RAB3GAP1: variants seen among roughly 807,000 people sequenced by gnomAD.
RAB3GAP1 encodes the protein RAB3 GTPase activating protein catalytic subunit 1.
Under a neutral mutation model 130.7 loss-of-function variants are expected in RAB3GAP1, and 86 were observed. That is an observed-to-expected ratio of 0.66 (90% CI 0.55 to 0.79). The LOEUF is 0.79. Among genes scored for constraint, RAB3GAP1 ranks in the 30% least tolerant of loss-of-function variants. The pLI is 0.00. For synonymous variants in RAB3GAP1, 367 were observed against 401.7 expected, an observed-to-expected ratio of 0.91 and a Z score of 1.03; for missense variants, 1,029 against 1,169.4, an observed-to-expected ratio of 0.88 and a Z score of 1.75.
rs1690928885 is a variant in RAB3GAP1, at chr2:135,115,137, A to T, written c.483-79A>T. On this transcript the variant is annotated intron_variant, in intron 6 of 23. Coordinates refer to ENST00000264158, the MANE Select transcript of RAB3GAP1 (RefSeq NM_012233.3). The stretch of plus-strand genomic sequence containing the variant: ...GTGCTTTCAAATTCTTGAGATTAAA[A>T]TAATTTGGAAAAAATTTGAGGTTCA... The T allele has an allele frequency of 2.1e-6, 3 of 1,398,774 alleles. No homozygotes were observed. The East Asian group carries it at 6.9e-5, about 32-fold the overall frequency. 86.6% of individuals were successfully genotyped at this position (1,398,774 alleles called of 1,614,324 possible).
chr2:135,096,062 TAAG>T (rs1427824111), intron 5 of RAB3GAP1, among the ~76,000 whole-genome samples: 1 of 152,246 alleles, frequency 6.6e-6, no homozygotes, highest in East Asian at 1.9e-4. Flanking sequence ...CTTCCACAGA[TAAG>T]GAGGGACTAT....
rs1558784375 is a variant in RAB3GAP1 at position 135,117,573 on chromosome 2, TCTTCTTCTG to T, written c.648+2201_648+2209del. ...TTCTTCTTCTGCTTCTTCTTCTGCT[TCTTCTTCTG>T]CTTCTTCTTCTGCTGCTTCTTCTGC... On this transcript the variant is annotated intron_variant, in intron 7 of 23. Coordinates refer to ENST00000264158, the MANE Select transcript of RAB3GAP1 (RefSeq NM_012233.3). Among the ~76,000 whole-genome samples, 283 of 70,394 alleles carry T rather than the reference TCTTCTTCTG, an allele frequency of 4.0e-3. 6 individuals carry two copies. Among genetic ancestry groups the T allele is most frequent in the East Asian group, 0.025 (73 of 2,928 alleles). The allele number at this position is 70,394 out of a possible 152,430, so 46.2% of individuals were successfully genotyped here.
intron 5 of RAB3GAP1, among the ~76,000 whole-genome samples, chr2:135,108,812 C>T (rs373219220): frequency 9.9e-5 from 15 of 152,238 alleles, no homozygotes; most frequent in East Asian, 9.6e-4. Context: ...AGTTTTATAA[C>T]TTTGCATTTT....
chr2:135,125,383 T>C (rs74415620), intron 9 of RAB3GAP1, among the ~76,000 whole-genome samples: 7,389 of 152,244 alleles, frequency 0.049, 612 homozygotes, highest in African/African-American at 0.17. Context: ...ACTAAATATT[T>C]TTCCTGTGCA....
At chr2:135,131,402 A>ATT (rs761198556) in intron 13 of RAB3GAP1, among the ~76,000 whole-genome samples, 1 of 149,356 alleles carries the variant, frequency 6.7e-6, no homozygotes, top group Non-Finnish European at 1.5e-5. Context: ...ATTTTTTTGT[A>ATT]TTTTTTTTTA....
In RAB3GAP1 at chr2:135,115,213, C is replaced by G; in HGVS notation, c.483-3C>G. 14 of 1,604,844 alleles carry G rather than the reference C, an allele frequency of 8.7e-6. No homozygotes were observed. Among genetic ancestry groups the G allele is most frequent in the Non-Finnish European group, 1.1e-5 (13 of 1,171,782 alleles). ...TCCATTCCTATTTAATCATGTCTTG[C>G]AGTCAGGTGCCACTCTTTGTGCAAA... is the stretch of plus-strand genomic sequence containing the variant. On this transcript the variant is annotated splice_region_variant and splice_polypyrimidine_tract_variant and intron_variant, in intron 6 of 23. Coordinates refer to ENST00000264158, the MANE Select transcript of RAB3GAP1 (RefSeq NM_012233.3).
At position 135,168,818 on chromosome 2, in the gene RAB3GAP1, G is replaced by T. The variant is rs1692747992; in HGVS notation, c.*37G>T. On this transcript the variant is annotated 3_prime_UTR_variant, in exon 24 of 24. Transcript: ENST00000264158. ...TTACTCGTTGGTGGCTTCAGAGACA[G>T]TGCTGCCTCCTCCTGAGGGAGGGAA... 6.4e-7 allele frequency: 1 copy of T among 1,565,380 alleles called. No individual in the cohort carries two copies. The highest frequency in any genetic ancestry group is 8.8e-7 in the Non-Finnish European group (1 of 1,136,172).
intron 7 of RAB3GAP1, among the ~76,000 whole-genome samples, chr2:135,117,501 T>G (rs1430605451): frequency 1.6e-4 from 20 of 122,918 alleles, no homozygotes; most frequent in African/African-American, 2.0e-4. Flanking sequence ...TTCTGCTTCT[T>G]CTTCTTCTTC....
chr2:135,149,704 A>G (rs1358251481), intron 17 of RAB3GAP1, among the ~76,000 whole-genome samples: 1 of 152,156 alleles, frequency 6.6e-6, no homozygotes, highest in African/African-American at 2.4e-5. Flanking sequence ...CCCAGGCTGG[A>G]GTGCAGTGGC....
chr2:135,113,205 TC>T lies in RAB3GAP1; in HGVS notation c.418del (p.Leu140SerfsTer10). ...IAPAAHSDAV[L>X]SESKCNLLLS... ...CCCCTGCTGCACACAGTGACGCTGT[TC>T]TCAGCGAATCTAAGTGCAACCTTCT... On this transcript the variant is annotated frameshift_variant, in exon 6 of 24. Transcript: ENST00000264158. LOFTEE classifies it high-confidence loss of function. 6.2e-7 allele frequency: 1 copy of T among 1,614,154 alleles called. No individual in the cohort carries two copies. Among genetic ancestry groups the T allele is most frequent in the Non-Finnish European group, 8.5e-7 (1 of 1,179,978 alleles).
Position 135,168,831 on chromosome 2 carries a change from C to T in RAB3GAP1, c.*50C>T. 6.6e-7 allele frequency: 1 copy of T among 1,515,142 alleles called. No individual in the cohort carries two copies. The highest frequency in any genetic ancestry group is 9.2e-7 in the Non-Finnish European group (1 of 1,090,894). 93.9% of individuals were successfully genotyped at this position (1,515,142 alleles called of 1,614,324 possible). On this transcript the variant is annotated 3_prime_UTR_variant, in exon 24 of 24. Transcript: ENST00000264158. ...GCTTCAGAGACAGTGCTGCCTCCTC[C>T]TGAGGGAGGGAAGGTACCAGGGAGA...
chr2:135,075,678 TG>T (rs777494294), intron 3 of RAB3GAP1, among the ~76,000 whole-genome samples: 39 of 147,388 alleles, frequency 2.6e-4, no homozygotes, highest in East Asian at 1.3e-3. Context: ...TGCCTTTTTT[TG>T]GGGGGGGTCA....
intron 2 of RAB3GAP1, among the ~76,000 whole-genome samples, chr2:135,053,126 G>A (rs1688925482): frequency 6.6e-6 from 1 of 152,176 alleles, no homozygotes; most frequent in African/African-American, 2.4e-5. Context: ...GGAGGAGCTG[G>A]GACCACAGGC....
intron 5 of RAB3GAP1, among the ~76,000 whole-genome samples, chr2:135,110,493 A>AT (rs1489825276): frequency 1.3e-5 from 2 of 152,164 alleles, no homozygotes; most frequent in Non-Finnish European, 2.9e-5. Flanking sequence ...AGTAGAATGG[A>AT]TGGGGGGAGA....
In RAB3GAP1 at chr2:135,055,837, CT is replaced by C. The variant is rs143968556; in HGVS notation, c.75-2165del. 9.8e-3 allele frequency among the ~76,000 whole-genome samples: 1,487 copies of C among 150,970 alleles called. 29 individuals are homozygous for C. Among genetic ancestry groups the C allele is most frequent in the African/African-American group, 0.035 (1,421 of 41,068 alleles). On this transcript the variant is annotated intron_variant, in intron 2 of 23. Coordinates refer to ENST00000264158, the MANE Select transcript of RAB3GAP1 (RefSeq NM_012233.3). ...TGCTGTTAATTTTTTGACATATTTC[CT>C]TTTTTTTTCTTTTTTTGAGACGGAG...
intron 8 of RAB3GAP1, 141 bp from the exon 9 acceptor site, chr2:135,124,024 T>C (rs539529422): frequency 1.9e-5 from 13 of 701,890 alleles, no homozygotes; most frequent in Non-Finnish European, 2.5e-5. Flanking sequence ...CTACATATGC[T>C]GTAAGTTGGT....
At chr2:135,105,696 G>A (rs552990041) in intron 5 of RAB3GAP1, among the ~76,000 whole-genome samples, 2 of 147,086 alleles carry the variant, frequency 1.4e-5, no homozygotes, top group African/African-American at 5.1e-5. Flanking sequence ...GCCGCCAATC[G>A]TCTGGGATGT....
intron 3 of RAB3GAP1, among the ~76,000 whole-genome samples, chr2:135,075,309 G>A (rs1308966788): frequency 6.6e-6 from 1 of 152,044 alleles, no homozygotes; most frequent in Non-Finnish European, 1.5e-5. Flanking sequence ...TGATGCATAT[G>A]TATAAAAAAG....
At chr2:135,114,481 T>A (rs916319368) in intron 6 of RAB3GAP1, among the ~76,000 whole-genome samples, 1 of 152,202 alleles carries the variant, frequency 6.6e-6, no homozygotes, top group Non-Finnish European at 1.5e-5. Flanking sequence ...TGTACAATCC[T>A]TTCTTGTTAT....
Sources: gnomAD v4.1 joint callset for allele counts (sites outside exome capture counted in the v4.1 genomes callset) on GRCh38, gnomAD v4.1.1 for gene constraint, MANE v1.5 for transcripts, NCBI Gene and HGNC (gene_info 2026-07-23, HGNC 2026-07-21) for gene names.